Variants in CCSER1 observed in about 807,000 individuals in gnomAD.
The protein encoded by CCSER1 is serine-rich coiled-coil domain-containing protein 1.
A neutral mutation model predicts 82.0 loss-of-function variants in CCSER1; 41 were observed. The observed-to-expected ratio is 0.50, with a 90% CI of 0.39 to 0.65. The LOEUF (loss-of-function observed/expected upper bound fraction) is 0.65. Among genes scored for constraint, CCSER1 ranks in the 30% least tolerant of loss-of-function variants. The pLI is 0.00. For synonymous variants in CCSER1, 414 were observed against 383.9 expected, an observed-to-expected ratio of 1.08 and a Z score of -0.92; for missense variants, 1,119 against 1,064.2, an observed-to-expected ratio of 1.05 and a Z score of -0.72.
intron 9 of CCSER1, among the ~76,000 whole-genome samples, chr4:91,081,336 A>C (rs901275410): frequency 1.3e-5 from 2 of 152,158 alleles, no homozygotes; most frequent in African/African-American, 4.8e-5. Flanking sequence ...GATGCAGAAA[A>C]GGCCTTCGAT....
chr4:90,608,214 G>C (rs1235662793), intron 5 of CCSER1, among the ~76,000 whole-genome samples: 1 of 152,080 alleles, frequency 6.6e-6, no homozygotes, highest in Non-Finnish European at 1.5e-5. Flanking sequence ...TCCTCTATTA[G>C]GGTCCCACAA....
At chr4:90,787,083 C>T (rs1249654142) in intron 7 of CCSER1, among the ~76,000 whole-genome samples, 3 of 152,250 alleles carry the variant, frequency 2.0e-5, no homozygotes, top group South Asian at 4.1e-4. Flanking sequence ...TCCTTGCCCA[C>T]CCTGGGCACG....
At chr4:90,383,233 A>T (rs546919173) in intron 3 of CCSER1, among the ~76,000 whole-genome samples, 10 of 152,288 alleles carry the variant, frequency 6.6e-5, no homozygotes, top group African/African-American at 2.4e-4. Flanking sequence ...GTCAAGTAAA[A>T]TCGGAAAGGT....
At chr4:91,074,591 A>T (rs2148778164) in intron 9 of CCSER1, among the ~76,000 whole-genome samples, 1 of 152,328 alleles carries the variant, frequency 6.6e-6, no homozygotes, top group East Asian at 1.9e-4. Flanking sequence ...CAATTTGTTT[A>T]AACAAAGATA....
At chr4:91,370,802 A>G (rs181519717) in intron 10 of CCSER1, among the ~76,000 whole-genome samples, 2 of 152,346 alleles carry the variant, frequency 1.3e-5, no homozygotes, top group East Asian at 1.9e-4. Context: ...TAATAATCAC[A>G]TAAGGTTAAA....
intron 1 of CCSER1, among the ~76,000 whole-genome samples, chr4:90,143,491 T>TAC (rs56859054): frequency 0.13 from 17,904 of 141,244 alleles, 1,526 homozygotes; most frequent in African/African-American, 0.23. Flanking sequence ...AGTACACACA[T>TAC]ACACACACAC....
intron 10 of CCSER1, among the ~76,000 whole-genome samples, chr4:91,302,569 C>T (rs549779397): frequency 1.7e-4 from 26 of 152,030 alleles, no homozygotes; most frequent in African/African-American, 6.3e-4. Context: ...AAGCCTTCTA[C>T]ATAAACTCTC....
At chr4:91,075,144 A>G (rs984342260) in intron 9 of CCSER1, among the ~76,000 whole-genome samples, 3 of 151,148 alleles carry the variant, frequency 2.0e-5, no homozygotes, top group Admixed American at 6.6e-5. Flanking sequence ...TCATGCAGTT[A>G]CTAGAATGCA....
At chr4:90,769,829 A>G (rs1751807065) in intron 7 of CCSER1, among the ~76,000 whole-genome samples, 1 of 152,194 alleles carries the variant, frequency 6.6e-6, no homozygotes, top group Non-Finnish European at 1.5e-5. Flanking sequence ...TATATTTTAC[A>G]TGTAAAAGGA....
At chr4:90,608,334 G>A (rs1438564848) in intron 5 of CCSER1, among the ~76,000 whole-genome samples, 3 of 152,074 alleles carry the variant, frequency 2.0e-5, no homozygotes, top group African/African-American at 4.8e-5. Context: ...ACTCATGGAG[G>A]CTTCAATTTC....
intron 10 of CCSER1, among the ~76,000 whole-genome samples, chr4:91,257,965 C>T (rs191873582): frequency 5.3e-5 from 8 of 152,104 alleles, no homozygotes; most frequent in Middle Eastern, 3.4e-3. Context: ...AGGCTGTTAA[C>T]GATTAACGAC....
At position 91,599,271 on chromosome 4, in the gene CCSER1, T is replaced by C. The variant is rs935231316; in HGVS notation, c.*214T>C. 9.7e-6 allele frequency: 5 copies of C among 517,120 alleles called. No individual in the cohort carries two copies. Among genetic ancestry groups the C allele is most frequent in the African/African-American group, 9.6e-5 (5 of 52,334 alleles). 32.0% of individuals were successfully genotyped at this position (517,120 alleles called of 1,614,324 possible). On this transcript the variant is annotated 3_prime_UTR_variant, in exon 11 of 11. Transcript: ENST00000509176. ...GCATGTTAATTGAACTAGGTTGCAT[T>C]GCCTTGAAGACTTTACTATATAGGT...
chr4:90,494,303 C>T (rs544643412), intron 5 of CCSER1, among the ~76,000 whole-genome samples: 1 of 152,270 alleles, frequency 6.6e-6, no homozygotes, highest in South Asian at 2.1e-4. Flanking sequence ...TAGACTCCCA[C>T]ACAATAATAA....
intron 5 of CCSER1, among the ~76,000 whole-genome samples, chr4:90,529,068 AT>A (rs1293378171): frequency 6.6e-6 from 1 of 151,930 alleles, no homozygotes; most frequent in Non-Finnish European, 1.5e-5. Context: ...TTTGGTAAGT[AT>A]TTTGTATAAG....
chr4:90,929,521 A>T (rs1729469303), intron 9 of CCSER1, among the ~76,000 whole-genome samples: 1 of 152,192 alleles, frequency 6.6e-6, no homozygotes. Context: ...TAAAATCTTG[A>T]ATCTTTGCTT....
chr4:90,291,180 T>C (rs1249389170), intron 1 of CCSER1, among the ~76,000 whole-genome samples: 3 of 152,072 alleles, frequency 2.0e-5, no homozygotes, highest in Admixed American at 6.6e-5. Context: ...TCTCTGCTTT[T>C]ATTTGATTGG....
intron 8 of CCSER1, among the ~76,000 whole-genome samples, chr4:90,816,311 A>G (rs1759004002): frequency 6.6e-6 from 1 of 152,184 alleles, no homozygotes; most frequent in South Asian, 2.1e-4. Context: ...AATTTATTAT[A>G]TAGTTCCCAA....
At chr4:90,732,112 G>A (rs774324750) in intron 7 of CCSER1, among the ~76,000 whole-genome samples, 3 of 146,916 alleles carry the variant, frequency 2.0e-5, no homozygotes, top group Non-Finnish European at 4.5e-5. Context: ...GCCTCTCCAT[G>A]GACTAGCTTG....
intron 10 of CCSER1, among the ~76,000 whole-genome samples, chr4:91,517,208 G>T (rs868106528): frequency 4.6e-5 from 7 of 152,112 alleles, no homozygotes; most frequent in Middle Eastern, 3.4e-3. Flanking sequence ...TTGCCTGATT[G>T]CTCTGGCTAG....
Sources: gnomAD v4.1 joint callset for allele counts (sites outside exome capture counted in the v4.1 genomes callset) on GRCh38, gnomAD v4.1.1 for gene constraint, MANE v1.5 for transcripts, NCBI Gene and HGNC (gene_info 2026-07-23, HGNC 2026-07-21) for gene names.